Variants in ASL observed in about 807,000 individuals in gnomAD.
ASL encodes the protein argininosuccinate lyase.
ASL carries 51 observed loss-of-function variants against 69.1 expected under a neutral mutation model. The observed-to-expected ratio is 0.74, with a 90% CI of 0.59 to 0.93. The LOEUF is 0.93. ASL is among the 40% of genes least tolerant of loss of function. The pLI, the probability that ASL is intolerant of heterozygous loss-of-function variation, is 0.00. For missense variants in ASL, 540 were observed against 623.9 expected (o/e 0.87, Z 1.43); for synonymous variants, 241 against 247.6 (o/e 0.97, Z 0.25).
intron 3 of ASL, 139 bp from the exon 4 acceptor site, chr7:66,082,229 C>T (rs1786524405): frequency 1.9e-6 from 2 of 1,078,982 alleles, no homozygotes; most frequent in Non-Finnish European, 2.8e-6. Context: ...TGAGATGCCC[C>T]CTCCCAGGGT....
intron 2 of ASL, among the ~76,000 whole-genome samples, chr7:66,077,431 T>C (rs1483725644): frequency 2.0e-5 from 3 of 147,224 alleles, no homozygotes; most frequent in Non-Finnish European, 4.5e-5. Context: ...TTCAAAAAAA[T>C]AAAAATAAAA....
At chr7:66,083,991 A>C (rs188792847) in intron 6 of ASL, among the ~76,000 whole-genome samples, 18 of 152,278 alleles carry the variant, frequency 1.2e-4, no homozygotes, top group Admixed American at 3.9e-4. Context: ...ATGTGTTGTC[A>C]GAGACCCCTC....
chr7:66,086,931 C>A, intron 8 of ASL, 110 bp downstream of exon 8: 1 of 1,292,064 alleles, frequency 7.7e-7, no homozygotes, highest in Non-Finnish European at 1.1e-6. Flanking sequence ...GCCTTATCTG[C>A]TCAGCGGGGG....
At chr7:66,082,229 C>G in intron 3 of ASL, 139 bp from the exon 4 acceptor site, 2 of 1,078,982 alleles carry the variant, frequency 1.9e-6, no homozygotes, top group East Asian at 2.6e-5. Context: ...TGAGATGCCC[C>G]CTCCCAGGGT....
chr7:66,080,491 G>A (rs1786473036), intron 2 of ASL, among the ~76,000 whole-genome samples: 1 of 151,828 alleles, frequency 6.6e-6, no homozygotes, highest in South Asian at 2.1e-4. Context: ...GGGATGCCAA[G>A]GTCAGGGGAT....
At position 66,086,992 on chromosome 7, in the gene ASL, T is replaced by C. The variant is rs940756463; in HGVS notation, c.602+171T>C. 6 of 863,566 alleles carry C rather than the reference T, an allele frequency of 6.9e-6. No homozygotes were observed. The African/African-American group carries it at 8.4e-5, about 12-fold the overall frequency. The allele number at this position is 863,566 out of a possible 1,614,324, so 53.5% of individuals were successfully genotyped here. A position where few individuals can be genotyped will look rare whatever the true frequency, so the allele number is the denominator to read the frequency against. ...CTAAGGTGACGACCAAGCCATTGAATGTGTCTGAGCAGGGCCAGAGCCCTC... is the reference window on the plus strand; with the variant it reads ...CTAAGGTGACGACCAAGCCATTGAACGTGTCTGAGCAGGGCCAGAGCCCTC... On this transcript the variant is annotated intron_variant, in intron 8 of 16. Transcript: ENST00000304874.
At chr7:66,084,142 T>G (rs958189598) in intron 6 of ASL, among the ~76,000 whole-genome samples, 2 of 151,802 alleles carry the variant, frequency 1.3e-5, no homozygotes, top group African/African-American at 4.8e-5. Flanking sequence ...TCTTTAATTT[T>G]TTGTTGTTGT....
chr7:66,093,390 A>G lies in ASL; in HGVS notation c.*478A>G, dbSNP rs1000391178. On this transcript the variant is annotated 3_prime_UTR_variant, in exon 17 of 17. Transcript: ENST00000304874. ...AAGGGCAATGAGAGTCGTAGACGGG[A>G]AGGGAAGAGGGGGCTCCCATCATAG... 25 of 271,664 alleles carry G rather than the reference A, an allele frequency of 9.2e-5. No homozygotes were observed. Among genetic ancestry groups the G allele is most frequent in the Non-Finnish European group, 3.6e-5 (5 of 137,372 alleles). 16.8% of individuals were successfully genotyped at this position (271,664 alleles called of 1,614,324 possible).
At position 66,092,807 on chromosome 7, in the gene ASL, C is replaced by T. The variant is rs780846396; in HGVS notation, c.1290C>T (p.Tyr430=). 24 of 1,613,774 alleles carry T rather than the reference C, an allele frequency of 1.5e-5. No individual in the cohort carries two copies. The highest frequency in any genetic ancestry group is 1.7e-5 in the Non-Finnish European group (20 of 1,180,022). The change falls in exon 17 of 17, where the codon TAC becomes TAT. Residue 430 remains tyrosine, a synonymous_variant. Transcript: ENST00000304874. ...FSGDVICVWD[Y]GHSVEQYGAL... ...GCGACGTGATCTGCGTGTGGGACTA[C>T]GGGCACAGTGTGGAGCAGTATGGTG...
intron 3 of ASL, 43 bp downstream of exon 3, chr7:66,082,040 T>C (rs1191487377): frequency 6.4e-7 from 1 of 1,563,252 alleles, no homozygotes; most frequent in East Asian, 2.4e-5. Context: ...CCCTTCCCTG[T>C]GGCCCCAGGC....
Position 66,087,314 on chromosome 7 carries a change from A to T in ASL, c.603-20A>T, listed in dbSNP as rs376008291. On this transcript the variant is annotated intron_variant, in intron 8 of 16. Transcript: ENST00000304874. ...CTGCCTGCCAGGAGCCCTGGTCACC[A>T]TGAATCCCTGTCCCTGCAGTGGGGC... The T allele has an allele frequency of 5.6e-6, 9 of 1,601,274 alleles. No homozygotes were observed. In the African/African-American group the frequency reaches 8.0e-5, roughly 14 times the overall value.
At chr7:66,088,373 C>T (rs1355573062) in intron 10 of ASL, among the ~76,000 whole-genome samples, 5 of 151,568 alleles carry the variant, frequency 3.3e-5, no homozygotes, top group African/African-American at 7.3e-5. Flanking sequence ...CCCAGCTACT[C>T]GGGAGGCTAA....
rs1246167528 is a variant in ASL, at chr7:66,092,752, C to T, written c.1251-16C>T. The T allele has an allele frequency of 1.2e-6, 2 of 1,613,774 alleles. No individual in the cohort carries two copies. The highest frequency in any genetic ancestry group is 1.3e-5 in the African/African-American group (1 of 74,992). ...GGTGGCCTGGCGCCCTGGCCCACCT[C>T]TTCCTCTCTCCCCAGCCCCCTGTTC... On this transcript the variant is annotated splice_polypyrimidine_tract_variant and intron_variant, in intron 16 of 16. Transcript: ENST00000304874.
Position 66,089,600 on chromosome 7 carries a change from T to C in ASL, c.979-12T>C, listed in dbSNP as rs755437561. 3 of 1,613,308 alleles carry C rather than the reference T, an allele frequency of 1.9e-6. No homozygotes were observed. Among genetic ancestry groups the C allele is most frequent in the East Asian group, 4.5e-5 (2 of 44,864 alleles). On this transcript the variant is annotated splice_polypyrimidine_tract_variant and intron_variant, in intron 13 of 16. Transcript: ENST00000304874. ...GCTGCTAGGCCCTCACCTCCTGCCA[T>C]GTGCCTCCCAGGAGGACAAGGAAGC...
chr7:66,087,806 G>C lies in ASL; in HGVS notation c.718+15G>C. The C allele has an allele frequency of 6.2e-7, 1 of 1,614,124 alleles. No homozygotes were observed. ...GGACTTTGTGGGTGAGTCCTGGGGA[G>C]CCAGTCCCCTGCCCTGTGCCTCACT... is the stretch of plus-strand genomic sequence containing the variant. On this transcript the variant is annotated intron_variant, in intron 10 of 16. Coordinates refer to ENST00000304874, the MANE Select transcript of ASL (RefSeq NM_000048.4).
intron 2 of ASL, among the ~76,000 whole-genome samples, chr7:66,081,098 G>A (rs1160100188): frequency 6.6e-6 from 1 of 152,204 alleles, no homozygotes; most frequent in Non-Finnish European, 1.5e-5. Context: ...GCTGCTCTGT[G>A]CCTCAGTTTC....
At chr7:66,076,010 G>C (rs556520035) in intron 1 of ASL, 29 bp from the exon 2 acceptor site, 1 of 1,556,808 alleles carries the variant, frequency 6.4e-7, no homozygotes, top group Admixed American at 1.9e-5. Context: ...GCTGGCCAAG[G>C]AGGTCGTCAG....
chr7:66,076,145 G>A (rs373177285), intron 2 of ASL, 52 bp downstream of exon 2: 10 of 1,570,112 alleles, frequency 6.4e-6, no homozygotes, highest in African/African-American at 5.4e-5. Context: ...AGGAGAGAGT[G>A]GGGGCGCCAG....
chr7:66,087,887 T>A (rs1786717510), intron 10 of ASL, 96 bp downstream of exon 10: 1 of 1,498,954 alleles, frequency 6.7e-7, no homozygotes, highest in South Asian at 1.1e-5. Context: ...ACGGACAGGC[T>A]GGTTGTGGTG....
Sources: gnomAD v4.1 joint callset for allele counts (sites outside exome capture counted in the v4.1 genomes callset) on GRCh38, gnomAD v4.1.1 for gene constraint, MANE v1.5 for transcripts, NCBI Gene and HGNC (gene_info 2026-07-23, HGNC 2026-07-21) for gene names.